The following ITPR1 variants were observed in gnomAD, a reference collection of about 807,000 sequenced individuals.
The protein encoded by ITPR1 is inositol 1,4,5-trisphosphate receptor type 1, also known as inositol 1,4,5-trisphosphate-gated calcium channel ITPR1.
Under a neutral mutation model 318.4 loss-of-function variants are expected in ITPR1, and 96 were observed. That is an observed-to-expected ratio of 0.30 (90% CI 0.26 to 0.36). The LOEUF (loss-of-function observed/expected upper bound fraction) is 0.36. Ranked by LOEUF, ITPR1 falls within the 10% of genes least tolerant of loss-of-function variation. ITPR1 has a pLI of 1.00. For synonymous variants in ITPR1, 1,312 were observed against 1,289.9 expected (o/e 1.02, Z -0.37); for missense variants, 2,440 against 3,460.2 (o/e 0.71, Z 7.40).
At position 4,628,812 on chromosome 3, in the gene ITPR1, G is replaced by A. The variant is rs973473388; in HGVS notation, c.279+934G>A. 9.2e-5 allele frequency among the ~76,000 whole-genome samples: 14 copies of A among 152,332 alleles called. No individual in the cohort carries two copies. The South Asian group carries it at 2.9e-3, about 32-fold the overall frequency. ...TCAAATATTTCACGGAATGCACAGT[G>A]ATCTTTCCTGGGGCTCAGTGATGAC... is the stretch of plus-strand genomic sequence containing the variant. On this transcript the variant is annotated intron_variant, in intron 5 of 61. Coordinates refer to ENST00000649015, the MANE Select transcript of ITPR1 (RefSeq NM_001378452.1).
In ITPR1 at chr3:4,673,199, C is replaced by T; in HGVS notation, c.2268C>T (p.Ile756=). The change falls in exon 21 of 62, where the codon ATC becomes ATT. Residue 756 remains isoleucine, a synonymous_variant. Coordinates refer to ENST00000649015, the MANE Select transcript of ITPR1 (RefSeq NM_001378452.1). ...LDRQYLAINE[I]SGQLDVDLIL... is the part of the protein sequence containing the mutation. ...GCCAATACCTGGCCATCAACGAAATCTCAGGCCAGCTGGATGTCGATCTCA... is the reference window on the plus strand; with the variant it reads ...GCCAATACCTGGCCATCAACGAAATTTCAGGCCAGCTGGATGTCGATCTCA... The T allele has an allele frequency of 6.2e-7, 1 of 1,613,966 alleles. No individual in the cohort carries two copies.
intron 4 of ITPR1, among the ~76,000 whole-genome samples, chr3:4,583,263 C>A (rs2089538689): frequency 6.6e-6 from 1 of 152,134 alleles, no homozygotes; most frequent in Non-Finnish European, 1.5e-5. Context: ...ATGATAATAT[C>A]CATGTTATAT....
chr3:4,782,567 T>C lies in ITPR1; in HGVS notation c.6388-52T>C, dbSNP rs141747499. On this transcript the variant is annotated intron_variant, in intron 49 of 61. Transcript: ENST00000649015. ...AGTGTGCATGCTGTCCATCCAGTCC[T>C]GTGTGGGTCTTCCTTGAAACAGGAT... The C allele has an allele frequency of 6.4e-4, 992 of 1,560,838 alleles. 10 individuals are homozygous for C. In the African/African-American group the frequency reaches 0.012, roughly 19 times the overall value.
At chr3:4,800,229 G>T in intron 53 of ITPR1, 196 bp from the exon 54 acceptor site, 1 of 543,692 alleles carries the variant, frequency 1.8e-6, no homozygotes, top group Non-Finnish European at 3.2e-6. Context: ...CCAGCAGAAG[G>T]AGCATGTGTG....
At chr3:4,574,885 T>G (rs1274275994) in intron 4 of ITPR1, among the ~76,000 whole-genome samples, 1 of 152,172 alleles carries the variant, frequency 6.6e-6, no homozygotes, top group African/African-American at 2.4e-5. Flanking sequence ...GCTTCTGGGG[T>G]CTTTGGATAG....
At chr3:4,833,242 G>A (rs1258065818) in intron 60 of ITPR1, among the ~76,000 whole-genome samples, 2 of 152,334 alleles carry the variant, frequency 1.3e-5, no homozygotes, top group East Asian at 3.9e-4. Flanking sequence ...AGAAGGTGAG[G>A]AAAATTCTCA....
chr3:4,621,067 C>T (rs755547133), intron 4 of ITPR1, among the ~76,000 whole-genome samples: 5 of 152,012 alleles, frequency 3.3e-5, no homozygotes, highest in Non-Finnish European at 7.4e-5. Flanking sequence ...TTAAAATTCT[C>T]GGTGTCCATT....
intron 23 of ITPR1, among the ~76,000 whole-genome samples, chr3:4,675,543 G>T (rs17041156): frequency 6.6e-6 from 1 of 152,182 alleles, no homozygotes; most frequent in South Asian, 2.1e-4. Flanking sequence ...TATGAGTCGT[G>T]TGTATATTTT....
chr3:4,793,478 C>T (rs981571711), intron 52 of ITPR1, among the ~76,000 whole-genome samples: 2 of 152,254 alleles, frequency 1.3e-5, no homozygotes, highest in Admixed American at 1.3e-4. Context: ...CCATTCATCT[C>T]TTCTGTCCTC....
intron 51 of ITPR1, among the ~76,000 whole-genome samples, chr3:4,786,861 G>T (rs1395604952): frequency 1.3e-5 from 2 of 152,092 alleles, no homozygotes; most frequent in Non-Finnish European, 2.9e-5. Flanking sequence ...CTTTGACAAG[G>T]TAGGAGGTCA....
chr3:4,499,717 A>G (rs1292757124), intron 2 of ITPR1, among the ~76,000 whole-genome samples: 1 of 152,214 alleles, frequency 6.6e-6, no homozygotes, highest in East Asian at 1.9e-4. Flanking sequence ...TGACTGCATC[A>G]GTGCAATGTG....
At chr3:4,598,892 C>T (rs755021456) in intron 4 of ITPR1, among the ~76,000 whole-genome samples, 147 of 152,216 alleles carry the variant, frequency 9.7e-4, no homozygotes, top group Admixed American at 1.4e-3. Flanking sequence ...CTGGGTGTCC[C>T]GGTACCTCTC....
chr3:4,607,788 G>T (rs561498405), intron 4 of ITPR1, among the ~76,000 whole-genome samples: 1 of 152,230 alleles, frequency 6.6e-6, no homozygotes, highest in East Asian at 1.9e-4. Flanking sequence ...GAGGCCATCA[G>T]TAGTCAGATT....
chr3:4,683,858 G>A, intron 28 of ITPR1, 60 bp downstream of exon 28: 1 of 1,457,628 alleles, frequency 6.9e-7, no homozygotes, highest in Non-Finnish European at 9.5e-7. Flanking sequence ...AAACTAGGGA[G>A]CATCCTCTTC....
intron 36 of ITPR1, among the ~76,000 whole-genome samples, chr3:4,705,112 G>A (rs1389711068): frequency 1.3e-5 from 2 of 152,088 alleles, no homozygotes; most frequent in Non-Finnish European, 2.9e-5. Context: ...TTTACAATTA[G>A]ATAGTTGAGT....
chr3:4,638,585 A>C (rs969528008), intron 5 of ITPR1, among the ~76,000 whole-genome samples: 3 of 152,232 alleles, frequency 2.0e-5, no homozygotes, highest in African/African-American at 7.2e-5. Flanking sequence ...TTTGAATACT[A>C]TCTCTGCGAC....
chr3:4,828,053 G>C (rs1181325345), intron 60 of ITPR1, among the ~76,000 whole-genome samples: 2 of 152,058 alleles, frequency 1.3e-5, no homozygotes, highest in Non-Finnish European at 2.9e-5. Flanking sequence ...CAGTATAAAA[G>C]CCCATCAGAT....
chr3:4,810,261 G>A (rs1400658356), intron 55 of ITPR1, among the ~76,000 whole-genome samples: 3 of 152,186 alleles, frequency 2.0e-5, no homozygotes, highest in Non-Finnish European at 4.4e-5. Context: ...TTAGACAGCA[G>A]CCAGAGGCCA....
At chr3:4,730,938 C>G (rs941928736) in intron 42 of ITPR1, among the ~76,000 whole-genome samples, 2 of 152,160 alleles carry the variant, frequency 1.3e-5, no homozygotes, top group Admixed American at 6.5e-5. Flanking sequence ...ATCTAGCGCT[C>G]AAACAATGTT....
Sources: gnomAD v4.1 joint callset for allele counts (sites outside exome capture counted in the v4.1 genomes callset) on GRCh38, gnomAD v4.1.1 for gene constraint, MANE v1.5 for transcripts, NCBI Gene and HGNC (gene_info 2026-07-23, HGNC 2026-07-21) for gene names.